The following IQCM variants were observed in gnomAD, a reference collection of about 807,000 sequenced individuals.
IQCM encodes IQ domain-containing protein M.
IQCM carries 45 observed loss-of-function variants against 57.6 expected under a neutral mutation model. The ratio of observed to expected loss-of-function variants is 0.78; its 90% CI spans 0.62 to 1.00. The LOEUF is 1.00. IQCM is among the 50% of genes least tolerant of loss of function. The pLI, the probability that IQCM is intolerant of heterozygous loss-of-function variation, is 0.00. For missense variants in IQCM, 468 were observed against 511.6 expected (o/e 0.91, Z 0.82); for synonymous variants, 148 against 158.9 (o/e 0.93, Z 0.51).
intron 10 of IQCM, among the ~76,000 whole-genome samples, chr4:149,562,500 T>C (rs1750222119): frequency 6.6e-6 from 1 of 152,140 alleles, no homozygotes; most frequent in African/African-American, 2.4e-5. Flanking sequence ...GTAAGAAAAT[T>C]AGTTCATCTC....
intron 2 of IQCM, among the ~76,000 whole-genome samples, chr4:149,775,935 G>T (rs1452441951): frequency 2.0e-5 from 3 of 152,158 alleles, no homozygotes; most frequent in Non-Finnish European, 4.4e-5. Context: ...AGGATGACAT[G>T]TATAAGAAAG....
intron 13 of IQCM, among the ~76,000 whole-genome samples, chr4:149,391,952 C>T (rs1461239950): frequency 1.3e-5 from 2 of 151,864 alleles, no homozygotes; most frequent in East Asian, 1.9e-4. Context: ...TATTCTGCTG[C>T]TGTTGGCTGC....
intron 12 of IQCM, among the ~76,000 whole-genome samples, chr4:149,449,096 A>G (rs779716185): frequency 3.3e-5 from 5 of 151,338 alleles, no homozygotes; most frequent in Non-Finnish European, 7.4e-5. Context: ...ATTTAGCAAT[A>G]TACAAAATAA....
intron 2 of IQCM, among the ~76,000 whole-genome samples, chr4:149,809,221 C>T (rs765255088): frequency 5.9e-5 from 9 of 151,880 alleles, no homozygotes; most frequent in Non-Finnish European, 1.3e-4. Flanking sequence ...CGAGATCACA[C>T]CACTGCACTC....
At chr4:149,571,777 T>C (rs1384865160) in intron 9 of IQCM, among the ~76,000 whole-genome samples, 1 of 152,016 alleles carries the variant, frequency 6.6e-6, no homozygotes, top group Non-Finnish European at 1.5e-5. Flanking sequence ...TAAATAAAAA[T>C]AAATAATGAG....
chr4:149,587,567 T>C lies in IQCM; in HGVS notation c.749+363A>G, dbSNP rs565514111. Among the ~76,000 whole-genome samples, 4 of 151,876 alleles carry C rather than the reference T, an allele frequency of 2.6e-5. No homozygotes were observed. The East Asian group carries it at 7.8e-4, about 30-fold the overall frequency. ...AACCCTAGTGAATTGTGGTACATAG[T>C]TTCTAACAAACAAAAAAAAATAGCT... On this transcript the variant is annotated intron_variant, in intron 9 of 13. Transcript: ENST00000636793.
intron 12 of IQCM, among the ~76,000 whole-genome samples, chr4:149,485,935 T>C (rs1390783950): frequency 6.6e-6 from 1 of 152,060 alleles, no homozygotes. Flanking sequence ...CTTGGTGGAC[T>C]TGGATAAGAT....
intron 11 of IQCM, among the ~76,000 whole-genome samples, chr4:149,550,908 C>G (rs749023244): frequency 6.6e-6 from 1 of 152,158 alleles, no homozygotes; most frequent in Non-Finnish European, 1.5e-5. Flanking sequence ...TGTTCAGCTC[C>G]TATGTTGGAC....
intron 13 of IQCM, among the ~76,000 whole-genome samples, chr4:149,367,605 A>C (rs2110952874): frequency 6.6e-6 from 1 of 152,196 alleles, no homozygotes; most frequent in Non-Finnish European, 1.5e-5. Flanking sequence ...ACCAACTAAA[A>C]ATAATGCTAC....
chr4:149,472,884 G>A lies in IQCM; in HGVS notation c.1229-39327C>T, dbSNP rs530520281. 4.9e-4 allele frequency among the ~76,000 whole-genome samples: 74 copies of A among 152,198 alleles called. 1 individual carries two copies. In the South Asian group the frequency reaches 0.015, roughly 32 times the overall value. On this transcript the variant is annotated intron_variant, in intron 12 of 13. Coordinates refer to ENST00000636793, the MANE Select transcript of IQCM (RefSeq NM_001363507.2). ...AAAAGAAATGGAGAAAGGATTCCCT[G>A]TTTAAAAAATGGTGCTGGGAAAACT...
At chr4:149,556,598 G>A (rs1008287545) in intron 10 of IQCM, among the ~76,000 whole-genome samples, 1 of 152,048 alleles carries the variant, frequency 6.6e-6, no homozygotes, top group Non-Finnish European at 1.5e-5. Context: ...TTATTCAAAA[G>A]CCTTATAAAA....
At chr4:149,529,325 A>C (rs565257474) in intron 12 of IQCM, among the ~76,000 whole-genome samples, 1 of 152,332 alleles carries the variant, frequency 6.6e-6, no homozygotes, top group East Asian at 1.9e-4. Flanking sequence ...TTGGCCTCCC[A>C]AAGTGCTGGG....
chr4:149,445,988 T>C (rs546144762), intron 12 of IQCM, among the ~76,000 whole-genome samples: 1 of 151,854 alleles, frequency 6.6e-6, no homozygotes, highest in African/African-American at 2.4e-5. Context: ...AACGTCTACT[T>C]CTCAATTGTG....
chr4:149,792,626 TA>T (rs1309106301), intron 2 of IQCM, among the ~76,000 whole-genome samples: 1 of 152,194 alleles, frequency 6.6e-6, no homozygotes, highest in African/African-American at 2.4e-5. Flanking sequence ...TAGAAAAATT[TA>T]ACATGTAAGC....
At chr4:149,458,061 A>C (rs1737889145) in intron 12 of IQCM, among the ~76,000 whole-genome samples, 1 of 152,000 alleles carries the variant, frequency 6.6e-6, no homozygotes, top group Non-Finnish European at 1.5e-5. Context: ...TTTCAAACAA[A>C]CAACCAACAA....
chr4:149,744,685 A>G (rs1767760473), intron 2 of IQCM, among the ~76,000 whole-genome samples: 1 of 152,128 alleles, frequency 6.6e-6, no homozygotes, highest in African/African-American at 2.4e-5. Flanking sequence ...GCACAATGAC[A>G]CAAAATATCA....
intron 7 of IQCM, among the ~76,000 whole-genome samples, chr4:149,662,203 G>C (rs1471497551): frequency 6.6e-6 from 1 of 151,768 alleles, no homozygotes; most frequent in Admixed American, 6.6e-5. Context: ...TTGATCCACT[G>C]GTTATTTAGG....
intron 5 of IQCM, among the ~76,000 whole-genome samples, chr4:149,707,899 G>A (rs1050074245): frequency 2.0e-5 from 3 of 151,950 alleles, no homozygotes; most frequent in African/African-American, 4.8e-5. Flanking sequence ...TATTTCATAT[G>A]TATTTCATTA....
chr4:149,696,752 G>A (rs1348049395), intron 5 of IQCM, among the ~76,000 whole-genome samples: 1 of 152,092 alleles, frequency 6.6e-6, no homozygotes, highest in African/African-American at 2.4e-5. Context: ...GGCTAGATAG[G>A]TGCCACTACC....
Sources: allele counts gnomAD v4.1 joint callset (sites outside exome capture counted in the v4.1 genomes callset), GRCh38; gene constraint gnomAD v4.1.1; transcripts MANE v1.5; gene names NCBI Gene and HGNC (gene_info 2026-07-23, HGNC 2026-07-21).